TEAD1: variants seen among roughly 807,000 people sequenced by gnomAD.
TEAD1 encodes TEA domain transcription factor 1.
In TEAD1, 9 loss-of-function variants were observed where a neutral mutation model predicts 54.9. That is an observed-to-expected ratio of 0.16 (90% confidence interval 0.10 to 0.29). The LOEUF is 0.29. Among genes scored for constraint, TEAD1 ranks in the 10% least tolerant of loss-of-function variants. TEAD1 has a pLI of 1.00. For synonymous variants in TEAD1, 200 were observed against 187.8 expected (o/e 1.07, Z -0.53); for missense variants, 387 against 535.9 (o/e 0.72, Z 2.74).
chr11:12,920,011 A>G (rs911466403), intron 10 of TEAD1, among the ~76,000 whole-genome samples: 1 of 152,188 alleles, frequency 6.6e-6, no homozygotes, highest in African/African-American at 2.4e-5. Context: ...TCAATGAGCA[A>G]CAATAGTAGA....
chr11:12,924,735 T>C (rs1743756710), intron 10 of TEAD1, among the ~76,000 whole-genome samples, 177 bp from the exon 11 acceptor site: 1 of 152,138 alleles, frequency 6.6e-6, no homozygotes, highest in Non-Finnish European at 1.5e-5. Flanking sequence ...CTGCCCAAAT[T>C]AGCAAACTCT....
intron 3 of TEAD1, among the ~76,000 whole-genome samples, chr11:12,824,377 A>C (rs1946609668): frequency 6.6e-6 from 1 of 152,212 alleles, no homozygotes; most frequent in Admixed American, 6.5e-5. Context: ...TAGGATAGAG[A>C]GAGAGGGTGC....
intron 2 of TEAD1, among the ~76,000 whole-genome samples, chr11:12,734,056 A>G (rs1944476510): frequency 6.6e-6 from 1 of 152,142 alleles, no homozygotes; most frequent in African/African-American, 2.4e-5. Flanking sequence ...AGTAGCTGGG[A>G]CTACTGGCAT....
At chr11:12,772,157 C>T (rs934231343) in intron 3 of TEAD1, among the ~76,000 whole-genome samples, 4 of 152,158 alleles carry the variant, frequency 2.6e-5, no homozygotes, top group Non-Finnish European at 5.9e-5. Context: ...AAATGAATGA[C>T]GCTAGTTTCA....
intron 10 of TEAD1, among the ~76,000 whole-genome samples, chr11:12,910,269 A>G (rs1948594168): frequency 6.6e-6 from 1 of 152,240 alleles, no homozygotes; most frequent in African/African-American, 2.4e-5. Flanking sequence ...ACAGAAGGAA[A>G]TAAAATTACA....
chr11:12,889,501 G>A (rs1249293489), intron 9 of TEAD1, among the ~76,000 whole-genome samples: 2 of 152,180 alleles, frequency 1.3e-5, no homozygotes, highest in Non-Finnish European at 2.9e-5. Flanking sequence ...ATAGTGAGCA[G>A]GAGCCAGGAA....
At chr11:12,833,562 A>G (rs1467355284) in intron 3 of TEAD1, among the ~76,000 whole-genome samples, 1 of 152,012 alleles carries the variant, frequency 6.6e-6, no homozygotes, top group African/African-American at 2.4e-5. Context: ...TGGAATTTGC[A>G]TTACCTCCTG....
chr11:12,833,413 T>C (rs964596372), intron 3 of TEAD1, among the ~76,000 whole-genome samples: 1 of 152,180 alleles, frequency 6.6e-6, no homozygotes, highest in African/African-American at 2.4e-5. Context: ...GGGTACAACA[T>C]GAATCTAATA....
At chr11:12,834,559 G>A (rs1479217333) in intron 3 of TEAD1, among the ~76,000 whole-genome samples, 14 of 152,178 alleles carry the variant, frequency 9.2e-5, no homozygotes, top group Admixed American at 9.2e-4. Context: ...ACAACGCCTG[G>A]TGGTATACAG....
intron 2 of TEAD1, among the ~76,000 whole-genome samples, chr11:12,731,515 G>A (rs994448606): frequency 2.3e-4 from 35 of 151,874 alleles, no homozygotes; most frequent in African/African-American, 8.4e-4. Flanking sequence ...TCTGGTAGGT[G>A]GAATTTTATT....
At chr11:12,853,848 T>C (rs1402180577) in intron 3 of TEAD1, among the ~76,000 whole-genome samples, 2 of 152,216 alleles carry the variant, frequency 1.3e-5, no homozygotes, top group East Asian at 1.9e-4. Flanking sequence ...ACTTGAGTTA[T>C]CGCCAGACAC....
intron 3 of TEAD1, among the ~76,000 whole-genome samples, chr11:12,791,749 A>G (rs1169610060): frequency 2.0e-5 from 3 of 152,228 alleles, no homozygotes; most frequent in Non-Finnish European, 4.4e-5. Context: ...TCCTATAAGT[A>G]AGTGATAAGG....
intron 4 of TEAD1, among the ~76,000 whole-genome samples, chr11:12,863,917 G>A (rs1947557962): frequency 6.6e-6 from 1 of 152,118 alleles, no homozygotes; most frequent in Non-Finnish European, 1.5e-5. Context: ...ATGTGAATTT[G>A]TTGTTCAGCA....
chr11:12,815,035 T>A (rs572252496), intron 3 of TEAD1, among the ~76,000 whole-genome samples: 4 of 152,304 alleles, frequency 2.6e-5, no homozygotes, highest in African/African-American at 9.6e-5. Context: ...GAGATGTTTC[T>A]GCTGATAAGC....
intron 3 of TEAD1, among the ~76,000 whole-genome samples, chr11:12,837,478 G>T (rs1454479729): frequency 1.3e-5 from 2 of 152,074 alleles, no homozygotes; most frequent in Non-Finnish European, 2.9e-5. Flanking sequence ...ATACTGGGTG[G>T]ATTAAACAAC....
At chr11:12,754,274 A>G (rs981685827) in intron 2 of TEAD1, among the ~76,000 whole-genome samples, 1 of 152,102 alleles carries the variant, frequency 6.6e-6, no homozygotes, top group Admixed American at 6.6e-5. Context: ...CAGCATCCCA[A>G]TGTTATTTGA....
chr11:12,852,805 G>A (rs1947302649), intron 3 of TEAD1, among the ~76,000 whole-genome samples: 1 of 152,132 alleles, frequency 6.6e-6, no homozygotes, highest in African/African-American at 2.4e-5. Context: ...GAAAGACATG[G>A]ACTGTACCTT....
chr11:12,706,296 A>G lies in TEAD1; in HGVS notation c.-55+30735A>G, dbSNP rs566607972. On this transcript the variant is annotated intron_variant, in intron 2 of 12. Coordinates refer to ENST00000527636, the MANE Select transcript of TEAD1 (RefSeq NM_021961.6). ...TTCCTGATAAGAAATATTCTACATTAAAAGAGAAGTTTCCTGTTGCACTTC... is the reference window on the plus strand; with the variant it reads ...TTCCTGATAAGAAATATTCTACATTGAAAGAGAAGTTTCCTGTTGCACTTC... 2.0e-5 allele frequency among the ~76,000 whole-genome samples: 3 copies of G among 152,316 alleles called. No homozygotes were observed. The East Asian group carries it at 5.8e-4, about 29-fold the overall frequency.
intron 5 of TEAD1, among the ~76,000 whole-genome samples, chr11:12,872,015 G>A (rs564300775): frequency 8.5e-5 from 13 of 152,094 alleles, no homozygotes; most frequent in Non-Finnish European, 1.5e-4. Context: ...TCTTGTTCTC[G>A]CCCTGGTGGC....
Sources: allele counts gnomAD v4.1 joint callset (sites outside exome capture counted in the v4.1 genomes callset), GRCh38; gene constraint gnomAD v4.1.1; transcripts MANE v1.5; gene names NCBI Gene and HGNC (gene_info 2026-07-23, HGNC 2026-07-21).